Variants in RAB40C observed in about 807,000 individuals in gnomAD.
RAB40C encodes the protein RAB40C, member RAS oncogene family.
RAB40C carries 8 observed loss-of-function variants against 28.1 expected under a neutral mutation model. The ratio of observed to expected loss-of-function variants is 0.28; its 90% CI spans 0.17 to 0.51. RAB40C has a LOEUF of 0.51. RAB40C is among the 20% of genes least tolerant of loss of function. RAB40C has a pLI of 0.97. For missense variants in RAB40C, 288 were observed against 405.9 expected, an observed-to-expected ratio of 0.71 and a Z score of 2.50; for synonymous variants, 201 against 171.7, an observed-to-expected ratio of 1.17 and a Z score of -1.34.
At chr16:601,258 A>G (rs1210880863) in intron 1 of RAB40C, among the ~76,000 whole-genome samples, 1 of 152,216 alleles carries the variant, frequency 6.6e-6, no homozygotes, top group African/African-American at 2.4e-5. Context: ...ATCACCGAGT[A>G]TCTGCTCATT....
chr16:618,341 C>A, intron 3 of RAB40C, 81 bp downstream of exon 3: 1 of 1,366,006 alleles, frequency 7.3e-7, no homozygotes, highest in Non-Finnish European at 1.0e-6. Context: ...GTTGTCCTGT[C>A]AAACTCCCAA....
intron 1 of RAB40C, among the ~76,000 whole-genome samples, chr16:604,605 G>A (rs1056099076): frequency 6.6e-6 from 1 of 152,202 alleles, no homozygotes; most frequent in Non-Finnish European, 1.5e-5. Context: ...TCCTTCTGAA[G>A]GTGTTTCTCT....
At chr16:613,427 G>C (rs1007644961) in intron 1 of RAB40C, among the ~76,000 whole-genome samples, 7 of 152,228 alleles carry the variant, frequency 4.6e-5, no homozygotes, top group African/African-American at 1.7e-4. Context: ...CTGCCGCCCT[G>C]GCCGGTAGAA....
At chr16:601,385 C>T (rs960331663) in intron 1 of RAB40C, among the ~76,000 whole-genome samples, 7 of 152,246 alleles carry the variant, frequency 4.6e-5, no homozygotes, top group East Asian at 1.9e-4. Context: ...CTGTTCTGCT[C>T]GGGAGCAACA....
intron 5 of RAB40C, among the ~76,000 whole-genome samples, chr16:626,711 G>A (rs1470723178): frequency 6.6e-6 from 1 of 152,206 alleles, no homozygotes; most frequent in Non-Finnish European, 1.5e-5. Flanking sequence ...GCCACAGCAG[G>A]TGGATCACCT....
intron 1 of RAB40C, among the ~76,000 whole-genome samples, chr16:603,698 T>G (rs2036300896): frequency 6.6e-6 from 1 of 152,180 alleles, no homozygotes; most frequent in African/African-American, 2.4e-5. Context: ...TATATGTACC[T>G]ATGCAGCCAG....
chr16:607,804 AAAG>A (rs981196652), intron 1 of RAB40C, among the ~76,000 whole-genome samples: 1 of 152,220 alleles, frequency 6.6e-6, no homozygotes, highest in Admixed American at 6.5e-5. Flanking sequence ...AACGAAAAGA[AAAG>A]AAAAGAAAGT....
Position 629,073 on chromosome 16 carries a change from C to G in RAB40C, c.*1451C>G, listed in dbSNP as rs1363231778. 1.9e-5 allele frequency: 3 copies of G among 157,066 alleles called. No homozygotes were observed. The highest frequency in any genetic ancestry group is 7.2e-5 in the African/African-American group (3 of 41,580). 9.7% of individuals were successfully genotyped at this position (157,066 alleles called of 1,614,324 possible). A position where few individuals can be genotyped will look rare whatever the true frequency, so the allele number is the denominator to read the frequency against. On this transcript the variant is annotated 3_prime_UTR_variant, in exon 6 of 6. Transcript: ENST00000248139. ...ACACTGGCCTCCTGCTCCAGCTTCC[C>G]TGTCCTGGCCCCACCTGTCCTGTTG...
intron 1 of RAB40C, among the ~76,000 whole-genome samples, chr16:609,217 G>A (rs982901799): frequency 1.3e-5 from 2 of 152,192 alleles, no homozygotes; most frequent in South Asian, 2.1e-4. Flanking sequence ...GATCTGCTTG[G>A]AATGCCATGT....
intron 1 of RAB40C, among the ~76,000 whole-genome samples, chr16:609,487 G>A (rs915772281): frequency 2.0e-5 from 3 of 152,040 alleles, no homozygotes; most frequent in African/African-American, 4.8e-5. Flanking sequence ...AGACGCCGCC[G>A]AGAGCCCCAA....
chr16:593,557 G>A (rs1462934400), intron 1 of RAB40C, among the ~76,000 whole-genome samples: 1 of 152,250 alleles, frequency 6.6e-6, no homozygotes, highest in Non-Finnish European at 1.5e-5. Flanking sequence ...GCTCACACCG[G>A]ATCGCTTACC....
chr16:616,393 C>T lies in RAB40C; in HGVS notation c.143-815C>T, dbSNP rs145462058. On this transcript the variant is annotated intron_variant, in intron 1 of 5. Coordinates refer to ENST00000248139, the MANE Select transcript of RAB40C (RefSeq NM_021168.5). Reference sequence around the variant, plus strand: ...GAGTACTGTCACCCAGGCAGGAGTGCAGTGACATGATCTCGGCTCACTGCA... The same window carrying T: ...GAGTACTGTCACCCAGGCAGGAGTGTAGTGACATGATCTCGGCTCACTGCA... 6.3e-3 allele frequency among the ~76,000 whole-genome samples: 962 copies of T among 151,586 alleles called. 8 individuals are homozygous for T. Among genetic ancestry groups the T allele is most frequent in the African/African-American group, 0.022 (911 of 41,266 alleles).
At chr16:597,095 G>C (rs2036143948) in intron 1 of RAB40C, among the ~76,000 whole-genome samples, 1 of 152,148 alleles carries the variant, frequency 6.6e-6, no homozygotes, top group Non-Finnish European at 1.5e-5. Context: ...TGCACATGTA[G>C]GTAGCAGGGG....
At position 599,132 on chromosome 16, in the gene RAB40C, C is replaced by T. The variant is rs548139690; in HGVS notation, c.142+8699C>T. Among the ~76,000 whole-genome samples, 24 of 152,306 alleles carry T rather than the reference C, an allele frequency of 1.6e-4. No homozygotes were observed. In the South Asian group the frequency reaches 3.5e-3, roughly 22 times the overall value. On this transcript the variant is annotated intron_variant, in intron 1 of 5. Coordinates refer to ENST00000248139, the MANE Select transcript of RAB40C (RefSeq NM_021168.5). ...ACACAGTGACACTGATCAGGGTTGC[C>T]GAGGTGCTGTGTTTCGGTCCAGAAA...
At chr16:594,093 G>T (rs922573286) in intron 1 of RAB40C, among the ~76,000 whole-genome samples, 3 of 152,184 alleles carry the variant, frequency 2.0e-5, no homozygotes, top group African/African-American at 7.2e-5. Flanking sequence ...CTCCCGCTCT[G>T]CAGGGGGCAT....
intron 1 of RAB40C, 26 bp downstream of exon 1, chr16:590,459 T>G: frequency 6.5e-7 from 1 of 1,540,146 alleles, no homozygotes; most frequent in East Asian, 2.6e-5. Context: ...CGGCGCGCGC[T>G]GCTACGCGGG....
intron 3 of RAB40C, among the ~76,000 whole-genome samples, chr16:620,439 C>G (rs1472311456): frequency 6.6e-6 from 1 of 152,212 alleles, no homozygotes; most frequent in East Asian, 1.9e-4. Context: ...ACAAAAATGC[C>G]TTCTTGTCTT....
rs180980242 is a variant in RAB40C at position 604,425 on chromosome 16, C to A, written c.143-12783C>A. On this transcript the variant is annotated intron_variant, in intron 1 of 5. Transcript: ENST00000248139. The stretch of plus-strand genomic sequence containing the variant: ...GTTTCTCTAGAATACACGAGTCCTT[C>A]TGAAGGTGTTTCTCTAGAATATATG... Among the ~76,000 whole-genome samples the A allele has an allele frequency of 1.2e-3, 185 of 151,688 alleles. 1 individual carries two copies. The highest frequency in any genetic ancestry group is 4.3e-3 in the African/African-American group (176 of 41,324).
chr16:603,601 A>T (rs1477773783), intron 1 of RAB40C, among the ~76,000 whole-genome samples: 1 of 152,160 alleles, frequency 6.6e-6, no homozygotes, highest in African/African-American at 2.4e-5. Flanking sequence ...TGTGGGTTTA[A>T]TTTTTTTAAA....
Sources: allele counts gnomAD v4.1 joint callset (sites outside exome capture counted in the v4.1 genomes callset), GRCh38; gene constraint gnomAD v4.1.1; transcripts MANE v1.5; gene names NCBI Gene and HGNC (gene_info 2026-07-23, HGNC 2026-07-21).